Variants in SLC35E2B observed in about 807,000 individuals in gnomAD.
The protein encoded by SLC35E2B is solute carrier family 35 member E2B.
In SLC35E2B, 18 loss-of-function variants were observed where a neutral mutation model predicts 32.4. The ratio of observed to expected loss-of-function variants is 0.56; its 90% CI spans 0.38 to 0.82. The LOEUF (loss-of-function observed/expected upper bound fraction) is 0.82, where lower values mean the gene tolerates loss of function less well. Ranked by LOEUF, SLC35E2B falls within the 40% of genes least tolerant of loss-of-function variation. The pLI, the probability that SLC35E2B is intolerant of heterozygous loss-of-function variation, is 0.00. For synonymous variants in SLC35E2B, 132 were observed against 209.1 expected (o/e 0.63, Z 3.18); for missense variants, 263 against 469.5 (o/e 0.56, Z 4.06).
Position 1,662,751 on chromosome 1 carries a change from G to A in SLC35E2B, c.*3031C>T. ...AGCTGCAAATCTCTTAAGTATCAAC[G>A]TAAAGAAGCCGATGACCCAATTCGG... On this transcript the variant is annotated 3_prime_UTR_variant, in exon 10 of 10. Transcript: ENST00000617444. The A allele has an allele frequency of 1.1e-5, 8 of 746,866 alleles. No individual in the cohort carries two copies. Among genetic ancestry groups the A allele is most frequent in the Non-Finnish European group, 1.3e-5 (8 of 608,872 alleles). The allele number at this position is 746,866 out of a possible 1,614,324, so 46.3% of individuals were successfully genotyped here. A position where few individuals can be genotyped will look rare whatever the true frequency, so the allele number is the denominator to read the frequency against.
At position 1,669,731 on chromosome 1, in the gene SLC35E2B, G is replaced by A. The variant is rs199596545; in HGVS notation, c.767C>T (p.Pro256Leu). 158 of 1,547,590 alleles carry A rather than the reference G, an allele frequency of 1.0e-4. 1 individual carries two copies. In the African/African-American group the frequency reaches 1.2e-3, roughly 12 times the overall value. ...LSGDKYRFSA[P>L]ELQFYTSAAA... ...GGCGCTGGTGTAGAACTGCAGCTCCGGGGCCCTGTGGGTGACAGAACACGC... is the reference window on the plus strand; with the variant it reads ...GGCGCTGGTGTAGAACTGCAGCTCCAGGGCCCTGTGGGTGACAGAACACGC... The change falls in exon 8 of 10, where the codon CCG becomes CTG. Residue 256 changes from proline to leucine, a missense_variant. By Grantham distance (98) the Pro-to-Leu change is moderately conservative. Transcript: ENST00000617444.
intron 2 of SLC35E2B, among the ~76,000 whole-genome samples, chr1:1,689,248 T>C (rs1212131558): frequency 2.0e-5 from 3 of 152,120 alleles, no homozygotes; most frequent in Non-Finnish European, 2.9e-5. Flanking sequence ...CTTTATTCAG[T>C]CTATGATACC....
rs933009219 is a variant in SLC35E2B, at chr1:1,681,846, G to A, written c.-147-5000C>T. On this transcript the variant is annotated intron_variant, in intron 2 of 9. Transcript: ENST00000617444. ...TAAAAATACAAAAAATTAGCCAGGC[G>A]TGGTGGCGGGCGCCTGTAGTCCCAG... is the stretch of plus-strand genomic sequence containing the variant. Among the ~76,000 whole-genome samples the A allele has an allele frequency of 1.1e-4, 17 of 150,980 alleles. 1 individual carries two copies. Among genetic ancestry groups the A allele is most frequent in the African/African-American group, 2.4e-4 (10 of 41,126 alleles).
Position 1,671,559 on chromosome 1 carries a change from GC to G in SLC35E2B, c.656del (p.Ser219ThrfsTer64). The G allele has an allele frequency of 6.5e-7, 1 of 1,549,752 alleles. No homozygotes were observed. The highest frequency in any genetic ancestry group is 8.7e-7 in the Non-Finnish European group (1 of 1,146,204). ...CGGCCGAGAACCCCAGGACATTGAA[GC>G]TGATCTCAGTGGCCGTGCACAGCGC... ...GLALCTATEISFNVLGFSAAL... is the reference protein window; with the variant it reads ...GLALCTATEIXFNVLGFSAAL... On this transcript the variant is annotated frameshift_variant, in exon 6 of 10. Coordinates refer to ENST00000617444, the MANE Select transcript of SLC35E2B (RefSeq NM_001290264.2). LOFTEE classifies it high-confidence loss of function.
intron 2 of SLC35E2B, among the ~76,000 whole-genome samples, chr1:1,688,901 G>C (rs1357547751): frequency 1.3e-5 from 2 of 151,202 alleles, no homozygotes; most frequent in African/African-American, 4.9e-5. Flanking sequence ...GTCGGGCGCG[G>C]TGGCTCAAGC....
At chr1:1,685,687 G>T (rs1643941681) in intron 2 of SLC35E2B, among the ~76,000 whole-genome samples, 1 of 152,142 alleles carries the variant, frequency 6.6e-6, no homozygotes, top group African/African-American at 2.4e-5. Context: ...CAATCACCCT[G>T]AGGGGAGAAG....
intron 5 of SLC35E2B, chr1:1,672,531 A>T (rs1346628399): frequency 6.6e-6 from 1 of 152,176 alleles, no homozygotes; most frequent in Non-Finnish European, 1.5e-5. Context: ...ATCACGGACA[A>T]CATTTATGAA....
In SLC35E2B at chr1:1,683,465, G is replaced by T. The variant is rs914865162; in HGVS notation, c.-147-6619C>A. Among the ~76,000 whole-genome samples, 11 of 152,178 alleles carry T rather than the reference G, an allele frequency of 7.2e-5. 1 individual carries two copies. The highest frequency in any genetic ancestry group is 2.4e-4 in the African/African-American group (10 of 41,424). ...GTTAAAAGAAAACAGAGGAGCAGCC[G>T]GCCGCAGAGACGCGCAGGCAAGGCC... is the stretch of plus-strand genomic sequence containing the variant. On this transcript the variant is annotated intron_variant, in intron 2 of 9. Coordinates refer to ENST00000617444, the MANE Select transcript of SLC35E2B (RefSeq NM_001290264.2).
At chr1:1,689,713 G>A (rs1309656382) in intron 2 of SLC35E2B, among the ~76,000 whole-genome samples, 2 of 151,534 alleles carry the variant, frequency 1.3e-5, no homozygotes, top group Admixed American at 6.6e-5. Flanking sequence ...TGGGCCGGGC[G>A]CAGTGGCTCA....
At chr1:1,679,012 G>T (rs1011737593) in intron 2 of SLC35E2B, among the ~76,000 whole-genome samples, 2 of 152,142 alleles carry the variant, frequency 1.3e-5, no homozygotes, top group African/African-American at 4.8e-5. Context: ...GGCAGGCGTG[G>T]ATCTCACTCC....
At chr1:1,684,807 A>AAC (rs1379163553) in intron 2 of SLC35E2B, among the ~76,000 whole-genome samples, 2 of 146,558 alleles carry the variant, frequency 1.4e-5, no homozygotes, top group African/African-American at 5.0e-5. Context: ...AAAAAAAAAA[A>AAC]AAAAAAACAG....
chr1:1,679,151 T>G (rs1643878704), intron 2 of SLC35E2B, among the ~76,000 whole-genome samples: 2 of 151,980 alleles, frequency 1.3e-5, no homozygotes, highest in African/African-American at 4.8e-5. Flanking sequence ...AAAACCAAAT[T>G]CATTTACATG....
intron 5 of SLC35E2B, among the ~76,000 whole-genome samples, chr1:1,673,832 G>A (rs1396622083): frequency 2.0e-5 from 3 of 150,416 alleles, no homozygotes; most frequent in South Asian, 2.1e-4. Flanking sequence ...ACGCAGTGGT[G>A]GGCGCCTGTA....
chr1:1,669,892 G>T, intron 7 of SLC35E2B, 156 bp from the exon 8 acceptor site: 1 of 906,068 alleles, frequency 1.1e-6, no homozygotes, highest in Non-Finnish European at 1.8e-6. Context: ...AAATGAAAAC[G>T]CAAACGCACA....
rs1037061223 is a variant in SLC35E2B at position 1,664,094 on chromosome 1, G to A, written c.*1688C>T. 1 of 524,734 alleles carries A rather than the reference G, an allele frequency of 1.9e-6. No homozygotes were observed. Among genetic ancestry groups the A allele is most frequent in the Non-Finnish European group, 2.4e-6 (1 of 408,368 alleles). 32.5% of individuals were successfully genotyped at this position (524,734 alleles called of 1,614,324 possible). On this transcript the variant is annotated 3_prime_UTR_variant, in exon 10 of 10. Coordinates refer to ENST00000617444, the MANE Select transcript of SLC35E2B (RefSeq NM_001290264.2). ...GCCACATGGGAGGCTGAGGTGGGAG[G>A]ATCATTTGAGCCCAGGAAGTCGAGG...
intron 2 of SLC35E2B, among the ~76,000 whole-genome samples, chr1:1,678,164 A>G (rs1643869851): frequency 6.6e-6 from 1 of 152,148 alleles, no homozygotes; most frequent in Non-Finnish European, 1.5e-5. Context: ...TCCCCCGGGA[A>G]ACTGGGGTTC....
chr1:1,668,991 CAAAA>C (rs1021377861), intron 8 of SLC35E2B, among the ~76,000 whole-genome samples: 1 of 71,632 alleles, frequency 1.4e-5, no homozygotes, highest in African/African-American at 5.1e-5. Flanking sequence ...ATATCATCTC[CAAAA>C]AAAAAAAAAA....
At chr1:1,679,514 G>A (rs1049486246) in intron 2 of SLC35E2B, among the ~76,000 whole-genome samples, 21 of 152,062 alleles carry the variant, frequency 1.4e-4, no homozygotes, top group South Asian at 6.2e-4. Context: ...TGACGCTGCC[G>A]TTCTCTGTAC....
rs1028982381 is a variant in SLC35E2B at position 1,663,287 on chromosome 1, C to T, written c.*2495G>A. 1.1e-5 allele frequency: 11 copies of T among 981,392 alleles called. No individual in the cohort carries two copies. In the African/African-American group the frequency reaches 1.8e-4, roughly 16 times the overall value. The allele number at this position is 981,392 out of a possible 1,614,324, so 60.8% of individuals were successfully genotyped here. A position where few individuals can be genotyped will look rare whatever the true frequency, so the allele number is the denominator to read the frequency against. ...AGGGTGGAGGGGAGGGCACCAGATG[C>T]TGTGCGGCTGGAAATTCCAAGGTGC... is the stretch of plus-strand genomic sequence containing the variant. On this transcript the variant is annotated 3_prime_UTR_variant, in exon 10 of 10. Transcript: ENST00000617444.
Sources: gnomAD v4.1 joint callset for allele counts (sites outside exome capture counted in the v4.1 genomes callset) on GRCh38, gnomAD v4.1.1 for gene constraint, MANE v1.5 for transcripts, NCBI Gene and HGNC (gene_info 2026-07-23, HGNC 2026-07-21) for gene names.